The following SLC6A16 variants were observed in gnomAD, a reference collection of about 807,000 sequenced individuals.
SLC6A16 encodes the protein solute carrier family 6 member 16.
Under a neutral mutation model 65.4 loss-of-function variants are expected in SLC6A16, and 54 were observed. The observed-to-expected ratio is 0.83, with a 90% CI of 0.66 to 1.04. The LOEUF is 1.04. Ranked by LOEUF, SLC6A16 falls within the 50% of genes least tolerant of loss-of-function variation. The probability of loss-of-function intolerance (pLI) is 0.00; values close to 1 mark genes in which losing one functional copy is unlikely to be tolerated. For missense variants in SLC6A16, 816 were observed against 914.0 expected, an observed-to-expected ratio of 0.89 and a Z score of 1.38; for synonymous variants, 330 against 346.5, an observed-to-expected ratio of 0.95 and a Z score of 0.53.
chr19:49,332,280 G>C, the SLC6A16 span: 1 of 456,692 alleles, frequency 2.2e-6, no homozygotes, highest in Non-Finnish European at 4.4e-6. Context: ...TTGTCAGCCG[G>C]GTGCGGTGGC....
intron 1 of SLC6A16, among the ~76,000 whole-genome samples, chr19:49,318,610 TA>T (rs1970653924): frequency 6.6e-6 from 1 of 152,118 alleles, no homozygotes; most frequent in South Asian, 2.1e-4. Flanking sequence ...ACCATAACAC[TA>T]AAATAGCTGT....
chr19:49,335,442 GTCTC>G, the SLC6A16 span: 426 of 886,420 alleles, frequency 4.8e-4, 2 homozygotes, highest in African/African-American at 6.1e-3. This position sits in a 1 kb window ranked among gnomAD's most constrained non-coding sequence, Gnocchi z 4.6. Context: ...TCAGCTCTCC[GTCTC>G]TCTTTCTCTC....
At chr19:49,333,401 A>C in the SLC6A16 span, among the ~76,000 whole-genome samples, 1 of 152,178 alleles carries the variant, frequency 6.6e-6, no homozygotes, top group Admixed American at 6.5e-5. Context: ...TGAACCCAGG[A>C]GGCGGAGGTT....
At chr19:49,303,627 C>G (rs1743091342) in intron 7 of SLC6A16, among the ~76,000 whole-genome samples, 1 of 149,414 alleles carries the variant, frequency 6.7e-6, no homozygotes, top group Non-Finnish European at 1.5e-5. Context: ...TGCACTCCAG[C>G]CTGAGTGACA....
At chr19:49,326,392 T>G (rs1011377517), upstream of SLC6A16, among the ~76,000 whole-genome samples, 1 of 152,108 alleles carries the variant, frequency 6.6e-6, no homozygotes, top group Non-Finnish European at 1.5e-5. Context: ...CTTAGTAGTA[T>G]TATGAAAATA....
At chr19:49,313,625 C>CAAAAAAAAAAAAAA in intron 1 of SLC6A16, among the ~76,000 whole-genome samples, 1 of 47,380 alleles carries the variant, frequency 2.1e-5, no homozygotes, top group Middle Eastern at 0.014. Flanking sequence ...ACTAAAAATG[C>CAAAAAAAAAAAAAA]AAAAAAAAAA....
the SLC6A16 span, among the ~76,000 whole-genome samples, chr19:49,332,968 C>T: frequency 3.3e-5 from 5 of 152,122 alleles, no homozygotes. Context: ...TCAACACCAG[C>T]CTGGCCAACA....
the SLC6A16 span, chr19:49,338,337 G>A: frequency 1.3e-4 from 74 of 552,082 alleles, no homozygotes; most frequent in African/African-American, 1.6e-3. This position sits in a 1 kb window ranked among gnomAD's most constrained non-coding sequence, Gnocchi z 5.0. Context: ...TTCCTACCCC[G>A]TAGTGACTCT....
chr19:49,304,447 T>C (rs1970344255), intron 7 of SLC6A16, among the ~76,000 whole-genome samples: 1 of 152,200 alleles, frequency 6.6e-6, no homozygotes, highest in African/African-American at 2.4e-5. Context: ...AACAATTATG[T>C]TATCCTCCTC....
the SLC6A16 span, among the ~76,000 whole-genome samples, chr19:49,333,005 T>C: frequency 6.6e-6 from 1 of 151,356 alleles, no homozygotes; most frequent in South Asian, 2.1e-4. Context: ...GTACTAAAAA[T>C]ACAAAAATTA....
chr19:49,327,219 T>C (rs1465978644), upstream of SLC6A16, among the ~76,000 whole-genome samples: 1 of 151,936 alleles, frequency 6.6e-6, no homozygotes, highest in Admixed American at 6.6e-5. Flanking sequence ...GGGTTGCAGG[T>C]GCCTGCCATT....
At chr19:49,339,749 C>T in the SLC6A16 span, 2 of 1,386,988 alleles carry the variant, frequency 1.4e-6, no homozygotes, top group African/African-American at 2.9e-5. This position sits in a 1 kb window ranked among gnomAD's most constrained non-coding sequence, Gnocchi z 4.5. Context: ...GATTCGAGCC[C>T]CGGGCCCAGC....
At chr19:49,333,097 G>A in the SLC6A16 span, among the ~76,000 whole-genome samples, 2 of 152,258 alleles carry the variant, frequency 1.3e-5, no homozygotes, top group East Asian at 3.9e-4. Flanking sequence ...AGGAGGCAGA[G>A]GTTGCAGTGA....
intron 7 of SLC6A16, among the ~76,000 whole-genome samples, chr19:49,296,542 G>T (rs1239175246): frequency 1.3e-5 from 2 of 152,094 alleles, no homozygotes; most frequent in African/African-American, 4.8e-5. Flanking sequence ...AATAAGAAAA[G>T]GATAGTCTTA....
At chr19:49,307,698 G>T (rs1457207398) in intron 7 of SLC6A16, among the ~76,000 whole-genome samples, 1 of 115,334 alleles carries the variant, frequency 8.7e-6, no homozygotes, top group Non-Finnish European at 1.7e-5. Flanking sequence ...AAATCTGCTG[G>T]GAGAGAGAGG....
intron 1 of SLC6A16, among the ~76,000 whole-genome samples, chr19:49,322,695 A>G (rs1183972944): frequency 6.6e-6 from 1 of 151,730 alleles, no homozygotes; most frequent in Non-Finnish European, 1.5e-5. Flanking sequence ...GAAAACTACA[A>G]AACATTGCTG....
rs1970492437 is a variant in SLC6A16 at position 49,310,352 on chromosome 19, C to T, written c.573+1G>A. ...GGCCTGGGCAGCCATGGGCTCCTCA[C>T]CATGAAGCTAGAATACCCCACACCA... On this transcript the variant is annotated splice_donor_variant, in intron 3 of 11. Coordinates refer to ENST00000335875, the MANE Select transcript of SLC6A16 (RefSeq NM_014037.3). LOFTEE classifies it high-confidence loss of function. 1.2e-6 allele frequency: 2 copies of T among 1,613,736 alleles called. No individual in the cohort carries two copies. Among genetic ancestry groups the T allele is most frequent in the Admixed American group, 1.7e-5 (1 of 59,956 alleles).
the SLC6A16 span, chr19:49,337,596 G>T: frequency 1.4e-6 from 2 of 1,411,654 alleles, no homozygotes; most frequent in Non-Finnish European, 1.9e-6. Flanking sequence ...GTGACAGAGT[G>T]AGACCCTGTC....
chr19:49,310,309 G>A (rs769403200), intron 3 of SLC6A16, 44 bp downstream of exon 3: 12 of 1,608,826 alleles, frequency 7.5e-6, no homozygotes, highest in South Asian at 3.3e-5. Context: ...TTGGGATGGC[G>A]GTGGGGTGTA....
Sources: allele counts gnomAD v4.1 joint callset (sites outside exome capture counted in the v4.1 genomes callset), GRCh38; gene constraint gnomAD v4.1.1; non-coding constraint Gnocchi (gnomAD v3.1); transcripts MANE v1.5; gene names NCBI Gene and HGNC (gene_info 2026-07-23, HGNC 2026-07-21).